BACH2: variants seen among roughly 807,000 people sequenced by gnomAD.
BACH2 encodes BACH transcriptional regulator 2.
A neutral mutation model predicts 61.8 loss-of-function variants in BACH2; 5 were observed. That is an observed-to-expected ratio of 0.08 (90% CI 0.04 to 0.17). The LOEUF is 0.17. BACH2 is among the 10% of genes least tolerant of loss of function. BACH2 has a pLI of 1.00. For synonymous variants in BACH2, 446 were observed against 440.1 expected (o/e 1.01, Z -0.17); for missense variants, 824 against 1,091.1 (o/e 0.76, Z 3.45).
rs1263167033 is a variant in BACH2, at chr6:90,296,709, A to G, written c.-675T>C. 1 of 153,498 alleles carries G rather than the reference A, an allele frequency of 6.5e-6. No homozygotes were observed. Among genetic ancestry groups the G allele is most frequent in the East Asian group, 1.9e-4 (1 of 5,146 alleles). 9.5% of individuals were successfully genotyped at this position (153,498 alleles called of 1,614,324 possible). A position where few individuals can be genotyped will look rare whatever the true frequency, so the allele number is the denominator to read the frequency against. ...AAAGCGAGAGCGGGGCGGCGGCGGG[A>G]GTGGGCAGGCGGGGTGGCGAGGGCG... On this transcript the variant is annotated 5_prime_UTR_variant, in exon 1 of 9. Transcript: ENST00000257749.
At chr6:89,981,808 T>C (rs1485268616) in intron 6 of BACH2, among the ~76,000 whole-genome samples, 2 of 152,126 alleles carry the variant, frequency 1.3e-5, no homozygotes, top group Non-Finnish European at 2.9e-5. Flanking sequence ...AGAGGAAGCG[T>C]GTGATTTGAT....
Position 90,218,464 on chromosome 6 carries a change from C to A in BACH2, c.-274-11783G>T, listed in dbSNP as rs146485970. On this transcript the variant is annotated intron_variant, in intron 3 of 8. Coordinates refer to ENST00000257749, the MANE Select transcript of BACH2 (RefSeq NM_021813.4). ...GGGCAGCGCACATTCCCCTGGCTTC[C>A]CCTCTTTCCTCTTCCCCCACCCTCC... Among the ~76,000 whole-genome samples, 361 of 152,064 alleles carry A rather than the reference C, an allele frequency of 2.4e-3. 2 individuals are homozygous for A. The highest frequency in any genetic ancestry group is 8.5e-3 in the African/African-American group (352 of 41,490).
At chr6:90,237,101 T>G (rs1349586832) in intron 3 of BACH2, among the ~76,000 whole-genome samples, 1 of 152,102 alleles carries the variant, frequency 6.6e-6, no homozygotes, top group Non-Finnish European at 1.5e-5. Context: ...TTTTTCGTAT[T>G]TTTAGTAGAG....
At chr6:89,964,492 C>A (rs1346068687) in intron 6 of BACH2, among the ~76,000 whole-genome samples, 1 of 151,942 alleles carries the variant, frequency 6.6e-6, no homozygotes, top group Non-Finnish European at 1.5e-5. Context: ...TATTTTGGAC[C>A]GTACAAAATC....
chr6:90,279,359 C>T (rs987575871), intron 1 of BACH2, among the ~76,000 whole-genome samples: 3 of 151,892 alleles, frequency 2.0e-5, no homozygotes, highest in African/African-American at 2.4e-5. Context: ...CCCGTCTCTA[C>T]TAAAAATACA....
At chr6:90,037,585 C>G (rs539893550) in intron 5 of BACH2, among the ~76,000 whole-genome samples, 1 of 152,266 alleles carries the variant, frequency 6.6e-6, no homozygotes, top group African/African-American at 2.4e-5. Flanking sequence ...CTCAACAGCA[C>G]GCTTCACATA....
At chr6:90,087,403 A>T (rs1781978221) in intron 5 of BACH2, among the ~76,000 whole-genome samples, 1 of 152,218 alleles carries the variant, frequency 6.6e-6, no homozygotes, top group East Asian at 1.9e-4. Flanking sequence ...GAAACAAAAG[A>T]AAAAATGCTG....
intron 3 of BACH2, among the ~76,000 whole-genome samples, chr6:90,232,635 T>C (rs541497156): frequency 6.6e-6 from 1 of 152,326 alleles, no homozygotes; most frequent in African/African-American, 2.4e-5. Flanking sequence ...TAAAGAGGTG[T>C]GCAGTAGGGC....
At chr6:89,949,440 TCCTCTGCAGGGG>T (rs60984305) in intron 7 of BACH2, among the ~76,000 whole-genome samples, 30,454 of 151,944 alleles carry the variant, frequency 0.2, 3,197 homozygotes, top group East Asian at 0.25. Context: ...GGGAGGTGGG[TCCTCTGCAGGGG>T]CCTCTTCTTT....
At chr6:90,118,327 G>A (rs929266931) in intron 4 of BACH2, among the ~76,000 whole-genome samples, 11 of 152,292 alleles carry the variant, frequency 7.2e-5, no homozygotes, top group Admixed American at 7.2e-4. Context: ...CAGGATGAAA[G>A]GATCTTGATA....
chr6:90,028,335 T>C (rs1778743521), intron 5 of BACH2, among the ~76,000 whole-genome samples: 1 of 152,258 alleles, frequency 6.6e-6, no homozygotes, highest in South Asian at 2.1e-4. Flanking sequence ...GGGGGACTTG[T>C]ATTGATTCTC....
intron 4 of BACH2, among the ~76,000 whole-genome samples, chr6:90,112,226 A>G (rs1007918523): frequency 1.3e-5 from 2 of 152,032 alleles, no homozygotes; most frequent in Admixed American, 6.6e-5. Flanking sequence ...TTATTTATTT[A>G]TTTTTTTGAG....
chr6:90,197,215 T>C (rs1464718932), intron 4 of BACH2, among the ~76,000 whole-genome samples: 1 of 152,198 alleles, frequency 6.6e-6, no homozygotes, highest in African/African-American at 2.4e-5. Flanking sequence ...CTATACGTTA[T>C]AAGGCCTCTG....
intron 4 of BACH2, among the ~76,000 whole-genome samples, chr6:90,169,210 A>G (rs4707603): frequency 6.6e-6 from 1 of 151,828 alleles, no homozygotes; most frequent in African/African-American, 2.4e-5. Context: ...CCCAATAAAC[A>G]TCTGTTATTT....
At chr6:90,059,452 G>C (rs192367958) in intron 5 of BACH2, among the ~76,000 whole-genome samples, 6 of 152,052 alleles carry the variant, frequency 3.9e-5, no homozygotes, top group African/African-American at 1.2e-4. Context: ...TTAGAATGGC[G>C]ATCATTAAAA....
intron 5 of BACH2, among the ~76,000 whole-genome samples, chr6:90,055,965 C>A (rs1295069080): frequency 1.3e-5 from 2 of 151,962 alleles, no homozygotes; most frequent in South Asian, 2.1e-4. Context: ...AGAGCTCCTG[C>A]AGGAAGCACT....
intron 5 of BACH2, among the ~76,000 whole-genome samples, chr6:90,026,567 T>C (rs1435742670): frequency 6.6e-6 from 1 of 152,158 alleles, no homozygotes; most frequent in Non-Finnish European, 1.5e-5. Flanking sequence ...GACTGGATTG[T>C]CAAACCTAAC....
At chr6:90,235,311 A>T (rs1383887535) in intron 3 of BACH2, among the ~76,000 whole-genome samples, 1 of 152,188 alleles carries the variant, frequency 6.6e-6, no homozygotes, top group Admixed American at 6.5e-5. Context: ...AAATCACTTA[A>T]CATCTTTGCT....
intron 6 of BACH2, among the ~76,000 whole-genome samples, chr6:89,972,351 G>A (rs932731156): frequency 6.6e-6 from 1 of 152,160 alleles, no homozygotes; most frequent in African/African-American, 2.4e-5. Context: ...GTGTTGGGAA[G>A]GGAAATATAG....
Sources: gnomAD v4.1 joint callset for allele counts (sites outside exome capture counted in the v4.1 genomes callset) on GRCh38, gnomAD v4.1.1 for gene constraint, MANE v1.5 for transcripts, NCBI Gene and HGNC (gene_info 2026-07-23, HGNC 2026-07-21) for gene names.